GGT5: variants seen among roughly 807,000 people sequenced by gnomAD.
GGT5 encodes the protein gamma-glutamyltransferase 5, also known as glutathione hydrolase 5 proenzyme.
GGT5 carries 50 observed loss-of-function variants against 58.1 expected under a neutral mutation model. That is an observed-to-expected ratio of 0.86 (90% CI 0.69 to 1.09). The LOEUF is 1.09. Ranked by LOEUF, GGT5 falls within the 50% of genes least tolerant of loss-of-function variation. The pLI is 0.00. For synonymous variants in GGT5, 370 were observed against 346.1 expected (o/e 1.07, Z -0.77); for missense variants, 800 against 789.4 (o/e 1.01, Z -0.16).
intron 3 of GGT5, 46 bp from the exon 4 acceptor site, chr22:24,233,064 C>A: frequency 7.3e-7 from 1 of 1,378,468 alleles, no homozygotes; most frequent in Non-Finnish European, 9.6e-7. Context: ...TCCAGGCCTT[C>A]CCAGGTTTGC....
chr22:24,233,816 GT>G, intron 2 of GGT5, 57 bp downstream of exon 2: 1 of 1,527,738 alleles, frequency 6.5e-7, no homozygotes, highest in Non-Finnish European at 9.0e-7. Context: ...TGGAGAAGGG[GT>G]TACGCAGTGG....
chr22:24,224,418 T>C (rs2047687597), intron 11 of GGT5, among the ~76,000 whole-genome samples: 1 of 151,510 alleles, frequency 6.6e-6, no homozygotes, highest in Non-Finnish European at 1.5e-5. Context: ...CTTGGGAGCC[T>C]GAGGAGGAAG....
chr22:24,232,269 G>C (rs1357107062), intron 4 of GGT5, 61 bp from the exon 5 acceptor site: 10 of 996,280 alleles, frequency 1.0e-5, no homozygotes, highest in African/African-American at 1.6e-5. Context: ...CACTCTTCCG[G>C]GGCTCTCATG....
rs1491335433 is a variant in GGT5, at chr22:24,244,317, C to CT, written c.173+235_173+236insA. Reference sequence around the variant, plus strand: ...CGTGCACACACACACACACACACACCCACCCACACATACACATACCCACAC... The same window carrying CT: ...CGTGCACACACACACACACACACACCTCACCCACACATACACATACCCACAC... On this transcript the variant is annotated intron_variant, in intron 1 of 11. Transcript: ENST00000327365. 14 of 340,092 alleles carry CT rather than the reference C, an allele frequency of 4.1e-5. No homozygotes were observed. In the East Asian group the frequency reaches 5.9e-4, roughly 14 times the overall value. 21.1% of individuals were successfully genotyped at this position (340,092 alleles called of 1,614,324 possible).
chr22:24,238,844 T>C (rs1446155961), intron 1 of GGT5, among the ~76,000 whole-genome samples: 2 of 13,532 alleles, frequency 1.5e-4, no homozygotes, highest in African/African-American at 8.0e-4. Context: ...TATATATATA[T>C]ATTATATATA....
chr22:24,222,891 C>A lies in GGT5; in HGVS notation c.1614+2105G>T, dbSNP rs187656825. 3.2e-3 allele frequency among the ~76,000 whole-genome samples: 486 copies of A among 150,688 alleles called. 6 individuals are homozygous for A. The highest frequency in any genetic ancestry group is 0.03 in the East Asian group (148 of 4,990). On this transcript the variant is annotated intron_variant, in intron 11 of 11. Transcript: ENST00000327365. ...AGGAGATCGAGACCATCCTGGCTAA[C>A]ACGGTGAAACCCTGTCTCTACTAAA...
chr22:24,222,769 G>A (rs567157687), intron 11 of GGT5, among the ~76,000 whole-genome samples: 2 of 152,326 alleles, frequency 1.3e-5, no homozygotes, highest in African/African-American at 2.4e-5. Flanking sequence ...CAAAGACAAA[G>A]GTCCTTCAGT....
chr22:24,219,867 C>A lies in GGT5; in HGVS notation c.*103G>T. 1 of 1,172,798 alleles carries A rather than the reference C, an allele frequency of 8.5e-7. No homozygotes were observed. The highest frequency in any genetic ancestry group is 1.2e-6 in the Non-Finnish European group (1 of 815,116). The allele number at this position is 1,172,798 out of a possible 1,614,324, so 72.6% of individuals were successfully genotyped here. A position where few individuals can be genotyped will look rare whatever the true frequency, so the allele number is the denominator to read the frequency against. On this transcript the variant is annotated 3_prime_UTR_variant, in exon 12 of 12. Transcript: ENST00000327365. ...TCCACTCTCAGCTGGACTCCCCTGC[C>A]AGGGGTCCAGATCCTGCCAGAGTAG...
intron 6 of GGT5, among the ~76,000 whole-genome samples, chr22:24,228,081 A>AAAAAC (rs2047830115): frequency 4.8e-5 from 7 of 146,974 alleles, no homozygotes; most frequent in African/African-American, 1.8e-4. Context: ...ACAAAAAAAA[A>AAAAAC]AAAACTCTGA....
At chr22:24,244,462 ACATT>A in intron 1 of GGT5, 87 bp downstream of exon 1, 1 of 1,088,908 alleles carries the variant, frequency 9.2e-7, no homozygotes, top group South Asian at 1.4e-5. Flanking sequence ...ACCCACACAT[ACATT>A]CACTCACACA....
At chr22:24,233,435 G>A in intron 3 of GGT5, 63 bp downstream of exon 3, 2 of 885,702 alleles carry the variant, frequency 2.3e-6, no homozygotes, top group Non-Finnish European at 3.5e-6. Flanking sequence ...TCCTTTGCGG[G>A]GGTGTTCTGA....
At chr22:24,230,743 T>C (rs2047913216) in intron 6 of GGT5, among the ~76,000 whole-genome samples, 1 of 152,186 alleles carries the variant, frequency 6.6e-6, no homozygotes, top group Non-Finnish European at 1.5e-5. Context: ...CCGCGATGCC[T>C]ACTCTGGAAC....
intron 1 of GGT5, 65 bp from the exon 2 acceptor site, chr22:24,234,069 C>T (rs1183237546): frequency 6.7e-7 from 1 of 1,496,998 alleles, no homozygotes; most frequent in East Asian, 2.5e-5. Flanking sequence ...CAGGCTTGCT[C>T]AGCTGGCACT....
chr22:24,225,101 G>T lies in GGT5; in HGVS notation c.1509C>A (p.Ile503=). The T allele has an allele frequency of 6.2e-7, 1 of 1,601,136 alleles. No homozygotes were observed. The highest frequency in any genetic ancestry group is 8.5e-7 in the Non-Finnish European group (1 of 1,173,496). The change falls in exon 11 of 12, where the codon ATC becomes ATA. Residue 503 remains isoleucine (I), a synonymous_variant. Transcript: ENST00000327365. ...CAAAGCCAAGCCACAGCTTGCTCAT[G>T]ATGGCCTGGGGGAGAGATGAGGGTT... ...ELIISAVAQA[I]MSKLWLGFDL...
At position 24,220,083 on chromosome 22, in the gene GGT5, T is replaced by C; in HGVS notation, c.1648A>G (p.Asn550Asp). 1 of 1,614,170 alleles carries C rather than the reference T, an allele frequency of 6.2e-7. No individual in the cohort carries two copies. ...VQRGLQDRGQNQTQRPFFLNV... is the reference protein window; with the variant it reads ...VQRGLQDRGQDQTQRPFFLNV... The stretch of plus-strand genomic sequence containing the variant: ...AGGAAGAAGGGCCTCTGGGTCTGGT[T>C]CTGGCCACGGTCTTGGAGTCCCCTC... The change falls in exon 12 of 12, where the codon AAC (asparagine) becomes GAC (aspartate). Residue 550 changes from asparagine to aspartate, a missense_variant. By Grantham distance (23) the Asn-to-Asp change is conservative. Transcript: ENST00000327365.
rs752800899 is a variant in GGT5, at chr22:24,225,323, G to GATGGAGGGCACC, written c.1413_1424dup (p.Met471_Ser474dup). The GATGGAGGGCACC allele has an allele frequency of 4.3e-6, 7 of 1,614,002 alleles. No homozygotes were observed. Among genetic ancestry groups the GATGGAGGGCACC allele is most frequent in the Non-Finnish European group, 5.9e-6 (7 of 1,179,934 alleles). On this transcript the variant is annotated inframe_insertion, in exon 10 of 12. Coordinates refer to ENST00000327365, the MANE Select transcript of GGT5 (RefSeq NM_004121.5). ...TCGACCCCTGGGCTTTGTTGATCAAGATGGAGGGCACCATGGAGGATGGGG... is the reference window on the plus strand; with the variant it reads ...TCGACCCCTGGGCTTTGTTGATCAAGATGGAGGGCACCATGGAGGGCACCATGGAGGATGGGG...
Position 24,226,227 on chromosome 22 carries a change from G to A in GGT5, c.1078C>T (p.Leu360Phe). The A allele has an allele frequency of 6.2e-7, 1 of 1,608,736 alleles. No homozygotes were observed. The part of the protein sequence containing the change: ...RDLLGETLAQ[L>F]IRQQIDGRGD... ...CGGCCATCGATCTGTTGGCGGATGA[G>A]CTGGGCCAGGGTCTCCCCCAGCAGG... Residue 360 changes from leucine to phenylalanine, a missense_variant, in exon 8 of 12, where the codon CTC (leucine) becomes TTC (phenylalanine). Physicochemically the swap from Leu to Phe is conservative, Grantham distance 22. Coordinates refer to ENST00000327365, the MANE Select transcript of GGT5 (RefSeq NM_004121.5).
chr22:24,244,496 T>C, intron 1 of GGT5, 57 bp downstream of exon 1: 2 of 1,445,690 alleles, frequency 1.4e-6, no homozygotes, highest in Non-Finnish European at 1.9e-6. Flanking sequence ...ACACACGCCT[T>C]CTCCAGGAGG....
intron 1 of GGT5, chr22:24,241,350 TA>T (rs1293239805): frequency 4.6e-5 from 7 of 152,300 alleles, no homozygotes; most frequent in Non-Finnish European, 1.0e-4. Context: ...CAGCAGGCTA[TA>T]AATTCAGGTA....
Sources: gnomAD v4.1 joint callset for allele counts (sites outside exome capture counted in the v4.1 genomes callset) on GRCh38, gnomAD v4.1.1 for gene constraint, MANE v1.5 for transcripts, NCBI Gene and HGNC (gene_info 2026-07-23, HGNC 2026-07-21) for gene names.